The following SLC22A23 variants were observed in gnomAD, a reference collection of about 807,000 sequenced individuals.
The protein encoded by SLC22A23 is ion transporter protein.
In SLC22A23, 26 loss-of-function variants were observed where a neutral mutation model predicts 61.0. The observed-to-expected ratio is 0.43, with a 90% CI of 0.31 to 0.59. SLC22A23 has a LOEUF of 0.59. SLC22A23 is among the 20% of genes least tolerant of loss of function. The pLI, the probability that SLC22A23 is intolerant of heterozygous loss-of-function variation, is 0.11. For synonymous variants in SLC22A23, 430 were observed against 413.9 expected, an observed-to-expected ratio of 1.04 and a Z score of -0.47; for missense variants, 796 against 934.7, an observed-to-expected ratio of 0.85 and a Z score of 1.94.
rs1014966455 is a variant in SLC22A23 at position 3,270,179 on chromosome 6, A to C, written c.*2876T>G. On this transcript the variant is annotated 3_prime_UTR_variant, in exon 10 of 10. Transcript: ENST00000406686. ...AGCGGAACGGAGGGGTGTGTGGAGGAGAGTAGCAGGGGGTGGGAGGGTCAA... is the reference window on the plus strand; with the variant it reads ...AGCGGAACGGAGGGGTGTGTGGAGGCGAGTAGCAGGGGGTGGGAGGGTCAA... 6.6e-6 allele frequency: 1 copy of C among 152,234 alleles called. No individual in the cohort carries two copies. Among genetic ancestry groups the C allele is most frequent in the South Asian group, 2.1e-4 (1 of 4,826 alleles). 9.4% of individuals were successfully genotyped at this position (152,234 alleles called of 1,614,324 possible). A position where few individuals can be genotyped will look rare whatever the true frequency, so the allele number is the denominator to read the frequency against.
rs1428499951 is a variant in SLC22A23, at chr6:3,456,799, G to C, written c.-240C>G. The stretch of plus-strand genomic sequence containing the variant: ...GCCGGGCAGAGGCGGGCAGAGGCCG[G>C]CCGGGCCCTCAGCCGCCGCGGCTCA... On this transcript the variant is annotated 5_prime_UTR_variant, in exon 1 of 10. Transcript: ENST00000406686. This position sits in a 1 kb window ranked among gnomAD's most constrained non-coding sequence, Gnocchi z 7.1. 5 of 148,730 alleles carry C rather than the reference G, an allele frequency of 3.4e-5. No individual in the cohort carries two copies. Among genetic ancestry groups the C allele is most frequent in the Admixed American group, 6.8e-5 (1 of 14,742 alleles). 9.2% of individuals were successfully genotyped at this position (148,730 alleles called of 1,614,324 possible). A position where few individuals can be genotyped will look rare whatever the true frequency, so the allele number is the denominator to read the frequency against.
At chr6:3,298,587 A>G (rs1243342261) in intron 4 of SLC22A23, among the ~76,000 whole-genome samples, 4 of 152,156 alleles carry the variant, frequency 2.6e-5, no homozygotes, top group Non-Finnish European at 5.9e-5. Context: ...AATTATAGCT[A>G]GGTAGGAGGA....
At position 3,427,573 on chromosome 6, in the gene SLC22A23, T is replaced by C. The variant is rs577959881; in HGVS notation, c.655-11718A>G. Among the ~76,000 whole-genome samples, 1 of 152,238 alleles carries C rather than the reference T, an allele frequency of 6.6e-6. No individual in the cohort carries two copies. Among genetic ancestry groups the C allele is most frequent in the Admixed American group, 6.5e-5 (1 of 15,290 alleles). On this transcript the variant is annotated intron_variant, in intron 1 of 9. Transcript: ENST00000406686. This position sits in a 1 kb window ranked among gnomAD's most constrained non-coding sequence, Gnocchi z 4.3. The stretch of plus-strand genomic sequence containing the variant: ...GCTGAAGGAGGAGCAGGTCCAGGTC[T>C]ACCCGGGGCTCTACCGTGCTTTCAG...
chr6:3,417,349 G>A (rs548715817), intron 1 of SLC22A23, among the ~76,000 whole-genome samples: 21 of 152,298 alleles, frequency 1.4e-4, no homozygotes, highest in African/African-American at 4.6e-4. Flanking sequence ...CCAGGCCCAG[G>A]AAGAAACGGA....
chr6:3,301,140 C>A (rs183314205), intron 4 of SLC22A23, among the ~76,000 whole-genome samples: 16 of 152,234 alleles, frequency 1.1e-4, no homozygotes, highest in African/African-American at 3.9e-4. Flanking sequence ...AAAATCAGAT[C>A]TTTTCTTTAT....
intron 3 of SLC22A23, among the ~76,000 whole-genome samples, chr6:3,402,074 A>G (rs528475420): frequency 1.3e-5 from 2 of 152,274 alleles, no homozygotes; most frequent in African/African-American, 2.4e-5. Flanking sequence ...TATCCAGGCA[A>G]GTCCCCTGGC....
At chr6:3,450,000 T>C (rs1395450639) in intron 1 of SLC22A23, among the ~76,000 whole-genome samples, 2 of 152,206 alleles carry the variant, frequency 1.3e-5, no homozygotes, top group Non-Finnish European at 2.9e-5. Context: ...GATGTATTCA[T>C]CTCCAGCATA....
chr6:3,273,830 G>A (rs567893183), intron 9 of SLC22A23, among the ~76,000 whole-genome samples: 1 of 152,230 alleles, frequency 6.6e-6, no homozygotes, highest in East Asian at 1.9e-4. Flanking sequence ...AAGGCCTGGG[G>A]GATTACCAAG....
chr6:3,348,540 C>T (rs1764577316), intron 3 of SLC22A23, among the ~76,000 whole-genome samples: 1 of 152,154 alleles, frequency 6.6e-6, no homozygotes, highest in South Asian at 2.1e-4. Context: ...AGAATCCGGC[C>T]CTGTTGATGG....
intron 3 of SLC22A23, among the ~76,000 whole-genome samples, chr6:3,369,733 T>C (rs1175164677): frequency 6.6e-6 from 1 of 152,118 alleles, no homozygotes; most frequent in African/African-American, 2.4e-5. Flanking sequence ...TTTAGGTTCT[T>C]ATTTATAGGG....
intron 4 of SLC22A23, among the ~76,000 whole-genome samples, chr6:3,301,429 C>T (rs541780351): frequency 1.1e-3 from 170 of 152,212 alleles, no homozygotes; most frequent in African/African-American, 3.9e-3. Flanking sequence ...TATATAAATA[C>T]GGTAATATGA....
chr6:3,433,907 G>A (rs1453236791), intron 1 of SLC22A23, among the ~76,000 whole-genome samples: 1 of 152,168 alleles, frequency 6.6e-6, no homozygotes, highest in East Asian at 1.9e-4. Context: ...TAGGGTGAAG[G>A]AAATACCTTA....
intron 3 of SLC22A23, among the ~76,000 whole-genome samples, chr6:3,361,781 C>T (rs908897628): frequency 2.0e-5 from 3 of 152,258 alleles, no homozygotes; most frequent in African/African-American, 7.2e-5. Flanking sequence ...AAACATGAGG[C>T]CATCTCAACA....
intron 9 of SLC22A23, among the ~76,000 whole-genome samples, chr6:3,277,697 TGAGA>T (rs1178343125): frequency 6.6e-6 from 1 of 152,208 alleles, no homozygotes; most frequent in Non-Finnish European, 1.5e-5. Context: ...GCCCAGCCAC[TGAGA>T]CCTGGCTGGC....
In SLC22A23 at chr6:3,455,897, G is replaced by A. The variant is rs372646474; in HGVS notation, c.654+9C>T. On this transcript the variant is annotated intron_variant, in intron 1 of 9. Transcript: ENST00000406686. ...AGGGTTGGAGGGACTGGGCGGCTGC[G>A]GCCCTTACCTTGCTGACCACGTTCT... is the stretch of plus-strand genomic sequence containing the variant. The A allele has an allele frequency of 5.4e-5, 80 of 1,485,168 alleles. 1 individual carries two copies. In the African/African-American group the frequency reaches 9.4e-4, roughly 18 times the overall value. The allele number at this position is 1,485,168 out of a possible 1,614,324, so 92.0% of individuals were successfully genotyped here. A position where few individuals can be genotyped will look rare whatever the true frequency, so the allele number is the denominator to read the frequency against.
At chr6:3,345,450 C>T (rs1353757166) in intron 3 of SLC22A23, among the ~76,000 whole-genome samples, 2 of 150,110 alleles carry the variant, frequency 1.3e-5, no homozygotes, top group Non-Finnish European at 3.0e-5. Context: ...ACTGCAGCCT[C>T]CGCCTCCTGG....
At position 3,372,057 on chromosome 6, in the gene SLC22A23, G is replaced by A. The variant is rs1264042818; in HGVS notation, c.913+38131C>T. 6.6e-6 allele frequency among the ~76,000 whole-genome samples: 1 copy of A among 152,208 alleles called. No homozygotes were observed. The highest frequency in any genetic ancestry group is 1.5e-5 in the Non-Finnish European group (1 of 68,046). ...CTCTCATCATCCCTAATTTACAGAT[G>A]AGGAAACTGAGGAACAGTTCCTAGC... On this transcript the variant is annotated intron_variant, in intron 3 of 9. Coordinates refer to ENST00000406686, the MANE Select transcript of SLC22A23 (RefSeq NM_015482.2). The surrounding 1 kb of genome is among the most constrained non-coding windows in gnomAD (Gnocchi z 4.7).
At chr6:3,446,435 A>G (rs895253715) in intron 1 of SLC22A23, among the ~76,000 whole-genome samples, 1 of 152,226 alleles carries the variant, frequency 6.6e-6, no homozygotes, top group Non-Finnish European at 1.5e-5. Flanking sequence ...CTGAATTTGA[A>G]GGCAAATTCT....
At chr6:3,298,441 C>T (rs1761304711) in intron 4 of SLC22A23, among the ~76,000 whole-genome samples, 1 of 151,958 alleles carries the variant, frequency 6.6e-6, no homozygotes. Flanking sequence ...CAAAAGTTAA[C>T]CACATGTTCT....
Sources: allele counts gnomAD v4.1 joint callset (sites outside exome capture counted in the v4.1 genomes callset), GRCh38; gene constraint gnomAD v4.1.1; non-coding constraint Gnocchi (gnomAD v3.1); transcripts MANE v1.5; gene names NCBI Gene and HGNC (gene_info 2026-07-23, HGNC 2026-07-21).